The following RCC1L variants were observed in gnomAD, a reference collection of about 807,000 sequenced individuals.
RCC1L encodes RCC1 like, also known as RCC1-like G exchanging factor-like protein.
RCC1L carries 46 observed loss-of-function variants against 58.6 expected under a neutral mutation model. The ratio of observed to expected loss-of-function variants is 0.79; its 90% CI spans 0.62 to 1.00. RCC1L has a LOEUF of 1.00. Ranked by LOEUF, RCC1L falls within the 50% of genes least tolerant of loss-of-function variation. RCC1L has a pLI of 0.00. For synonymous variants in RCC1L, 281 were observed against 262.9 expected, an observed-to-expected ratio of 1.07 and a Z score of -0.67; for missense variants, 636 against 623.6, an observed-to-expected ratio of 1.02 and a Z score of -0.21.
intron 6 of RCC1L, among the ~76,000 whole-genome samples, chr7:75,060,483 T>C (rs1441671337): frequency 6.6e-6 from 1 of 152,174 alleles, no homozygotes; most frequent in African/African-American, 2.4e-5. Context: ...CAGGCTGGAG[T>C]GCAATGGCGC....
intron 2 of RCC1L, 121 bp from the exon 3 acceptor site, chr7:75,066,913 CA>C (rs782757951): frequency 3.0e-6 from 4 of 1,348,234 alleles, no homozygotes; most frequent in Non-Finnish European, 3.9e-6. Flanking sequence ...CTCATCAAGA[CA>C]GGTAAGTTAG....
At chr7:75,028,088 G>A in intron 10 of RCC1L, 1 of 1,530,058 alleles carries the variant, frequency 6.5e-7, no homozygotes. Context: ...GCCTGGCGGG[G>A]GAGGAAGAGG....
rs782515399 is a variant in RCC1L, at chr7:75,070,685, T to TACA, written c.408_409insTGT (p.Leu136_Asn137insCys). The TACA allele has an allele frequency of 3.7e-6, 6 of 1,614,142 alleles. No individual in the cohort carries two copies. Among genetic ancestry groups the TACA allele is most frequent in the Non-Finnish European group, 5.1e-6 (6 of 1,179,996 alleles). On this transcript the variant is annotated inframe_insertion, in exon 2 of 11. Transcript: ENST00000610322. Reference sequence around the variant, plus strand: ...TGAAATCCAAGCTGAGAATCTTTGTTGAGTCCCATCCCCCAGACTTTCGTA... The same window carrying TACA: ...TGAAATCCAAGCTGAGAATCTTTGTTACAGAGTCCCATCCCCCAGACTTTCGTA...
exon 11 of RCC1L, chr7:75,027,790 G>C (rs1381539457): frequency 3.6e-6 from 2 of 556,342 alleles, no homozygotes; most frequent in East Asian, 6.4e-5. Flanking sequence ...TTATCTTCTC[G>C]GCGTTCTGTG....
At chr7:75,059,187 C>CA (rs71278503) in intron 6 of RCC1L, among the ~76,000 whole-genome samples, 6,580 of 77,594 alleles carry the variant, frequency 0.085, 265 homozygotes, top group South Asian at 0.14. Flanking sequence ...ATGAGACTCT[C>CA]AAAAAAAAAA....
At chr7:75,070,809 T>C (rs376270624) in intron 1 of RCC1L, 40 bp from the exon 2 acceptor site, 48 of 1,610,574 alleles carry the variant, frequency 3.0e-5, no homozygotes, top group Non-Finnish European at 2.3e-5. Flanking sequence ...TGATTTATAA[T>C]GTCAAGTTTG....
chr7:75,041,043 C>A (rs980728863), downstream of RCC1L, among the ~76,000 whole-genome samples: 1 of 152,056 alleles, frequency 6.6e-6, no homozygotes, highest in Non-Finnish European at 1.5e-5. Context: ...CACGGCAAAA[C>A]CCCATCTCTA....
At chr7:75,047,463 A>G (rs989276490) in intron 10 of RCC1L, among the ~76,000 whole-genome samples, 7 of 151,992 alleles carry the variant, frequency 4.6e-5, no homozygotes, top group East Asian at 3.9e-4. Flanking sequence ...GAGTCTCACT[A>G]TGTTGCCCAG....
intron 6 of RCC1L, among the ~76,000 whole-genome samples, chr7:75,060,987 T>C (rs1482505694): frequency 6.6e-6 from 1 of 152,050 alleles, no homozygotes; most frequent in Non-Finnish European, 1.5e-5. Flanking sequence ...GGTGGGAGGA[T>C]CACCTGAGCC....
At position 75,042,988 on chromosome 7, in the gene RCC1L, C is replaced by G; in HGVS notation, c.*44G>C. 4.3e-6 allele frequency: 7 copies of G among 1,613,870 alleles called. 1 individual carries two copies. The South Asian group carries it at 7.7e-5, about 18-fold the overall frequency. On this transcript the variant is annotated 3_prime_UTR_variant, in exon 11 of 11. Transcript: ENST00000610322. ...ACGCGCTGGCCTCTGCCAAGGAGTG[C>G]CAGTGGTTCCCGGGACGGGGCCGCC...
Position 75,073,422 on chromosome 7 carries a change from C to A in RCC1L, c.316G>T (p.Asp106Tyr), listed in dbSNP as rs1806840952. Residue 106 changes from aspartate to tyrosine, a missense_variant, in exon 1 of 11, where the codon GAC (aspartate) becomes TAC (tyrosine). Asp to Tyr is a radical substitution (Grantham distance 160). Coordinates refer to ENST00000610322, the MANE Select transcript of RCC1L (RefSeq NM_030798.5). The part of the protein sequence containing the change: ...IQPVPYRLEL[D>Y]QKISSAACGY... Reference sequence around the variant, plus strand: ...GAAGCCGCGGCCTGCACCTTTTGGTCCAGCTCCAGGCGATAGGGCACGGGC... The same window carrying A: ...GAAGCCGCGGCCTGCACCTTTTGGTACAGCTCCAGGCGATAGGGCACGGGC... 2.3e-6 allele frequency: 3 copies of A among 1,290,264 alleles called. No homozygotes were observed. The highest frequency in any genetic ancestry group is 2.1e-4 in the Middle Eastern group (1 of 4,840). The allele number at this position is 1,290,264 out of a possible 1,614,324, so 79.9% of individuals were successfully genotyped here.
At chr7:75,072,052 C>T (rs13238490) in intron 1 of RCC1L, among the ~76,000 whole-genome samples, 16,079 of 147,140 alleles carry the variant, frequency 0.11, 1,165 homozygotes, top group Middle Eastern at 0.31. Context: ...CCCATGATCA[C>T]GCCACTGTAC....
chr7:75,050,561 C>T (rs1805872859), intron 10 of RCC1L, among the ~76,000 whole-genome samples: 1 of 152,204 alleles, frequency 6.6e-6, no homozygotes, highest in Non-Finnish European at 1.5e-5. Context: ...GCTGCTTTAA[C>T]TGTTTCCCAA....
At chr7:75,035,728 G>A (rs1038141047) in intron 10 of RCC1L, among the ~76,000 whole-genome samples, 11 of 151,292 alleles carry the variant, frequency 7.3e-5, no homozygotes, top group Middle Eastern at 3.4e-3. Context: ...AAGCCTGGGC[G>A]AGGTGGCTCA....
chr7:75,030,533 G>A (rs1234059990), intron 10 of RCC1L, among the ~76,000 whole-genome samples: 2 of 152,246 alleles, frequency 1.3e-5, no homozygotes, highest in Admixed American at 6.5e-5. Context: ...CATTCATGAG[G>A]TTGCTGTTGT....
intron 10 of RCC1L, among the ~76,000 whole-genome samples, chr7:75,051,686 C>T (rs1805920659): frequency 6.6e-6 from 1 of 152,210 alleles, no homozygotes; most frequent in Admixed American, 6.5e-5. Flanking sequence ...GCTGGGATTA[C>T]AGGTGTGAGA....
intron 8 of RCC1L, chr7:75,056,475 A>C: frequency 6.9e-7 from 1 of 1,449,188 alleles, no homozygotes; most frequent in Non-Finnish European, 9.1e-7. Flanking sequence ...ACACATCAAC[A>C]ATGTCTGGCC....
chr7:75,036,164 T>C (rs929838280), intron 10 of RCC1L, among the ~76,000 whole-genome samples: 1 of 146,956 alleles, frequency 6.8e-6, no homozygotes, highest in Non-Finnish European at 1.5e-5. Flanking sequence ...TTTCCCAAGC[T>C]GGAGTGCAAT....
intron 5 of RCC1L, among the ~76,000 whole-genome samples, chr7:75,062,005 T>C (rs1316527075): frequency 6.7e-6 from 1 of 149,876 alleles, no homozygotes; most frequent in Non-Finnish European, 1.5e-5. Context: ...CTGGCCAACA[T>C]GGTGAAACCC....
Sources: gnomAD v4.1 joint callset for allele counts (sites outside exome capture counted in the v4.1 genomes callset) on GRCh38, gnomAD v4.1.1 for gene constraint, MANE v1.5 for transcripts, NCBI Gene and HGNC (gene_info 2026-07-23, HGNC 2026-07-21) for gene names.